Variants in C1QTNF3 observed in about 807,000 individuals in gnomAD.
C1QTNF3 encodes complement C1q tumor necrosis factor-related protein 3.
C1QTNF3 carries 26 observed loss-of-function variants against 32.6 expected under a neutral mutation model. The ratio of observed to expected loss-of-function variants is 0.80; its 90% CI spans 0.58 to 1.11. The LOEUF is 1.11. Ranked by LOEUF, C1QTNF3 falls within the 50% of genes least tolerant of loss-of-function variation. The pLI, the probability that C1QTNF3 is intolerant of heterozygous loss-of-function variation, is 0.00. For synonymous variants in C1QTNF3, 155 were observed against 146.0 expected, an observed-to-expected ratio of 1.06 and a Z score of -0.44; for missense variants, 362 against 398.2, an observed-to-expected ratio of 0.91 and a Z score of 0.77.
the C1QTNF3 span, among the ~76,000 whole-genome samples, chr5:34,123,125 G>A: frequency 6.6e-6 from 1 of 152,152 alleles, no homozygotes; most frequent in Non-Finnish European, 1.5e-5. Flanking sequence ...GAAGGTCCAG[G>A]CAGAGAACCC....
At chr5:34,164,379 C>CT in the C1QTNF3 span, among the ~76,000 whole-genome samples, 1 of 151,950 alleles carries the variant, frequency 6.6e-6, no homozygotes, top group African/African-American at 2.4e-5. Flanking sequence ...ACCTCAGCTC[C>CT]TGGAGAAGAT....
At chr5:34,208,372 A>G in the C1QTNF3 span, among the ~76,000 whole-genome samples, 2 of 152,184 alleles carry the variant, frequency 1.3e-5, no homozygotes, top group South Asian at 4.1e-4. Flanking sequence ...TTCATCCTGC[A>G]GTAGTGTCAG....
the C1QTNF3 span, among the ~76,000 whole-genome samples, chr5:34,143,790 C>T: frequency 2.6e-5 from 4 of 152,092 alleles, no homozygotes; most frequent in Admixed American, 6.6e-5. Flanking sequence ...AAATGCTGAA[C>T]GTGAAATTGA....
At chr5:34,177,637 C>CCACCA in the C1QTNF3 span, among the ~76,000 whole-genome samples, 5 of 152,060 alleles carry the variant, frequency 3.3e-5, no homozygotes, top group South Asian at 1.0e-3. Flanking sequence ...CAGGTACATG[C>CCACCA]CACCACACCC....
At chr5:34,222,657 C>G in the C1QTNF3 span, among the ~76,000 whole-genome samples, 2 of 151,776 alleles carry the variant, frequency 1.3e-5, no homozygotes, top group Non-Finnish European at 2.9e-5. Flanking sequence ...CAATGAGTGT[C>G]ACTTATATAT....
At chr5:34,136,195 C>T in the C1QTNF3 span, among the ~76,000 whole-genome samples, 1 of 152,272 alleles carries the variant, frequency 6.6e-6, no homozygotes, top group African/African-American at 2.4e-5. Flanking sequence ...AAGAAACTAC[C>T]ATCAGAGTGA....
the C1QTNF3 span, among the ~76,000 whole-genome samples, chr5:34,081,705 CCTAA>C: frequency 3.3e-5 from 5 of 151,008 alleles, no homozygotes; most frequent in Non-Finnish European, 5.9e-5. Context: ...ATTTTATGAG[CCTAA>C]CTTTCTCTAG....
At chr5:34,048,575 C>G in the C1QTNF3 span, among the ~76,000 whole-genome samples, 1 of 151,936 alleles carries the variant, frequency 6.6e-6, no homozygotes, top group Non-Finnish European at 1.5e-5. Flanking sequence ...AAAACTGATA[C>G]CTTTGCCAGG....
At chr5:34,161,935 A>G in the C1QTNF3 span, among the ~76,000 whole-genome samples, 1 of 152,188 alleles carries the variant, frequency 6.6e-6, no homozygotes, top group South Asian at 2.1e-4. Context: ...ACAACCATTT[A>G]ATTTTTTTAA....
At chr5:34,079,515 T>C in the C1QTNF3 span, among the ~76,000 whole-genome samples, 2 of 151,698 alleles carry the variant, frequency 1.3e-5, no homozygotes, top group African/African-American at 4.9e-5. Context: ...CCATTCTAGC[T>C]GGAGTGAGTT....
chr5:34,087,413 T>C, the C1QTNF3 span, among the ~76,000 whole-genome samples: 23 of 152,314 alleles, frequency 1.5e-4, no homozygotes, highest in Middle Eastern at 0.01. Context: ...GAATATTTTA[T>C]GTCAAAAAGA....
the C1QTNF3 span, among the ~76,000 whole-genome samples, chr5:34,231,908 T>C: frequency 2.1e-5 from 3 of 141,166 alleles, no homozygotes; most frequent in African/African-American, 5.4e-5. Flanking sequence ...GACCCCAGAA[T>C]GGTAGATCCA....
chr5:34,041,389 G>A (rs1754868729), intron 1 of C1QTNF3, among the ~76,000 whole-genome samples: 1 of 152,194 alleles, frequency 6.6e-6, no homozygotes, highest in Non-Finnish European at 1.5e-5. Flanking sequence ...AGGACATAAT[G>A]ACCAAAGACA....
At chr5:34,131,530 A>G in the C1QTNF3 span, among the ~76,000 whole-genome samples, 1 of 152,174 alleles carries the variant, frequency 6.6e-6, no homozygotes, top group African/African-American at 2.4e-5. Context: ...TAAGAACAGA[A>G]AGTTAAACAC....
At chr5:34,143,333 G>A in the C1QTNF3 span, among the ~76,000 whole-genome samples, 1 of 152,166 alleles carries the variant, frequency 6.6e-6, no homozygotes, top group Non-Finnish European at 1.5e-5. Context: ...AAAGGAGAAA[G>A]AATGAAAGAC....
chr5:34,079,601 G>T, the C1QTNF3 span, among the ~76,000 whole-genome samples: 1 of 151,604 alleles, frequency 6.6e-6, no homozygotes, highest in Non-Finnish European at 1.5e-5. Context: ...ATTCTTCAGC[G>T]TTAAAAAATA....
chr5:34,050,567 T>C, the C1QTNF3 span, among the ~76,000 whole-genome samples: 2 of 152,210 alleles, frequency 1.3e-5, no homozygotes, highest in South Asian at 4.1e-4. Context: ...ATTTCCAGTA[T>C]ATTTATTGTT....
At chr5:34,067,699 A>G in the C1QTNF3 span, among the ~76,000 whole-genome samples, 8 of 152,336 alleles carry the variant, frequency 5.3e-5, no homozygotes, top group East Asian at 1.5e-3. Flanking sequence ...CATTAAAACC[A>G]TATCAGCATG....
the C1QTNF3 span, among the ~76,000 whole-genome samples, chr5:34,226,545 C>G: frequency 0.049 from 7,384 of 150,118 alleles, 169 homozygotes; most frequent in Non-Finnish European, 0.063. Context: ...TCCTTCCCAC[C>G]ATTTAATATG....
Sources: allele counts gnomAD v4.1 joint callset (sites outside exome capture counted in the v4.1 genomes callset), GRCh38; gene constraint gnomAD v4.1.1; transcripts MANE v1.5; gene names NCBI Gene and HGNC (gene_info 2026-07-23, HGNC 2026-07-21).